Variants in CCDC12 observed in about 807,000 individuals in gnomAD.
CCDC12 encodes coiled-coil domain-containing protein 12.
A neutral mutation model predicts 25.7 loss-of-function variants in CCDC12; 28 were observed. That is an observed-to-expected ratio of 1.09 (90% CI 0.81 to 1.50). CCDC12 has a LOEUF of 1.50. Ranked by LOEUF, CCDC12 falls within the 40% of genes most tolerant of loss-of-function variation. The pLI, the probability that CCDC12 is intolerant of heterozygous loss-of-function variation, is 0.00. For missense variants in CCDC12, 198 were observed against 210.0 expected, an observed-to-expected ratio of 0.94 and a Z score of 0.35; for synonymous variants, 75 against 87.7, an observed-to-expected ratio of 0.86 and a Z score of 0.81.
intron 2 of CCDC12, among the ~76,000 whole-genome samples, chr3:46,938,043 A>C (rs1329745021): frequency 2.6e-5 from 4 of 152,214 alleles, no homozygotes; most frequent in African/African-American, 9.7e-5. Context: ...GACAGCCCCA[A>C]AAGCCAAGCT....
chr3:46,980,905 T>C (rs2035285022), upstream of CCDC12, among the ~76,000 whole-genome samples: 1 of 152,146 alleles, frequency 6.6e-6, no homozygotes, highest in Non-Finnish European at 1.5e-5. Flanking sequence ...AATGGACCAT[T>C]GTGTGCCCTG....
At chr3:46,945,703 T>C (rs1056064755) in intron 1 of CCDC12, among the ~76,000 whole-genome samples, 1 of 152,242 alleles carries the variant, frequency 6.6e-6, no homozygotes, top group Non-Finnish European at 1.5e-5. Flanking sequence ...CTGTATAGAT[T>C]TTCTATTTCT....
At chr3:46,971,133 C>A (rs989063016) in intron 1 of CCDC12, among the ~76,000 whole-genome samples, 3 of 152,232 alleles carry the variant, frequency 2.0e-5, no homozygotes, top group Non-Finnish European at 4.4e-5. Context: ...TCCCTGGGAA[C>A]ACTCTCCTTT....
chr3:46,960,021 C>T (rs573317699), intron 1 of CCDC12, among the ~76,000 whole-genome samples: 4 of 152,160 alleles, frequency 2.6e-5, no homozygotes, highest in Admixed American at 6.5e-5. Flanking sequence ...CTCTCCTCCA[C>T]GCGACATGCA....
chr3:46,967,565 G>C (rs1177340535), intron 1 of CCDC12, among the ~76,000 whole-genome samples: 1 of 152,068 alleles, frequency 6.6e-6, no homozygotes, highest in Non-Finnish European at 1.5e-5. Flanking sequence ...TCCCAGCCTG[G>C]GCAGCTGCAC....
At chr3:46,970,906 T>C (rs2034784703) in intron 1 of CCDC12, among the ~76,000 whole-genome samples, 1 of 152,108 alleles carries the variant, frequency 6.6e-6, no homozygotes, top group Non-Finnish European at 1.5e-5. Flanking sequence ...CATCAGGAAA[T>C]GAGGTTCAAA....
intron 1 of CCDC12, among the ~76,000 whole-genome samples, chr3:46,963,919 C>T (rs1218981247): frequency 6.6e-6 from 1 of 151,576 alleles, no homozygotes; most frequent in African/African-American, 2.4e-5. Context: ...GGCCGCCCAT[C>T]GTCTGGGATG....
intron 1 of CCDC12, among the ~76,000 whole-genome samples, chr3:46,956,999 C>T (rs2034309409): frequency 6.6e-6 from 1 of 152,106 alleles, no homozygotes; most frequent in African/African-American, 2.4e-5. Context: ...TATGGGCTGC[C>T]CAGAGCCCGA....
At chr3:46,934,565 G>C (rs1008602643) in intron 2 of CCDC12, among the ~76,000 whole-genome samples, 1 of 152,182 alleles carries the variant, frequency 6.6e-6, no homozygotes, top group African/African-American at 2.4e-5. Context: ...GGACATACAA[G>C]ATATCAAGAC....
At chr3:46,934,647 C>T (rs897020604) in intron 2 of CCDC12, among the ~76,000 whole-genome samples, 5 of 152,208 alleles carry the variant, frequency 3.3e-5, no homozygotes, top group African/African-American at 1.2e-4. Context: ...CCGGTGCCAG[C>T]ACATGGTGAG....
intron 2 of CCDC12, among the ~76,000 whole-genome samples, chr3:46,934,758 G>A (rs564917845): frequency 3.9e-5 from 6 of 152,166 alleles, no homozygotes; most frequent in South Asian, 2.1e-4. Flanking sequence ...CGAGGCAGTC[G>A]TGGGTCCCTG....
chr3:46,933,119 T>C (rs1027379867), intron 2 of CCDC12, among the ~76,000 whole-genome samples: 1 of 152,048 alleles, frequency 6.6e-6, no homozygotes, highest in Non-Finnish European at 1.5e-5. Flanking sequence ...TGCTCAAGTG[T>C]TCCTCAAAGG....
upstream of CCDC12, chr3:46,976,962 A>T (rs2035018887): frequency 1.8e-6 from 1 of 570,122 alleles, no homozygotes; most frequent in South Asian, 2.7e-5. Flanking sequence ...GCCAGCAAAA[A>T]AAAAAAAGAA....
chr3:46,956,188 C>A (rs2034283388), intron 1 of CCDC12, among the ~76,000 whole-genome samples: 1 of 152,204 alleles, frequency 6.6e-6, no homozygotes, highest in African/African-American at 2.4e-5. Flanking sequence ...AACCACCAAA[C>A]TGGTAGGGCT....
At chr3:46,957,513 T>C (rs542761199) in intron 1 of CCDC12, among the ~76,000 whole-genome samples, 66 of 152,324 alleles carry the variant, frequency 4.3e-4, no homozygotes, top group Non-Finnish European at 6.9e-4. Flanking sequence ...TGGATTTCTG[T>C]TGTTTGCAAA....
intron 5 of CCDC12, chr3:46,922,844 A>G (rs2032745376): frequency 1.1e-5 from 2 of 177,240 alleles, no homozygotes; most frequent in Non-Finnish European, 2.4e-5. Context: ...CTCCGGCTCA[A>G]GGTGAAGACA....
At chr3:46,929,966 G>C (rs1016606566) in intron 2 of CCDC12, among the ~76,000 whole-genome samples, 19 of 148,020 alleles carry the variant, frequency 1.3e-4, no homozygotes, top group African/African-American at 4.7e-4. Context: ...GGGAGGCAGA[G>C]GTTGCAGTGA....
intron 2 of CCDC12, 81 bp downstream of exon 2, chr3:46,940,917 A>C: frequency 6.7e-6 from 9 of 1,345,826 alleles, no homozygotes; most frequent in South Asian, 1.2e-5. Flanking sequence ...GACACTGAAC[A>C]GAGTTGGGAG....
At chr3:46,932,037 G>A (rs775983897) in intron 2 of CCDC12, among the ~76,000 whole-genome samples, 12 of 152,208 alleles carry the variant, frequency 7.9e-5, no homozygotes, top group Middle Eastern at 3.4e-3. Context: ...GGCCAGACTC[G>A]ACAGAAGCAT....
Sources: allele counts gnomAD v4.1 joint callset (sites outside exome capture counted in the v4.1 genomes callset), GRCh38; gene constraint gnomAD v4.1.1; transcripts MANE v1.5; gene names NCBI Gene and HGNC (gene_info 2026-07-23, HGNC 2026-07-21).